The following LIN54 variants were observed in gnomAD, a reference collection of about 807,000 sequenced individuals.
LIN54 encodes lin-54 DREAM MuvB core complex component, also known as protein lin-54 homolog.
LIN54 carries 9 observed loss-of-function variants against 78.7 expected under a neutral mutation model. That is an observed-to-expected ratio of 0.11 (90% CI 0.07 to 0.20). The LOEUF (loss-of-function observed/expected upper bound fraction) is 0.20, where lower values mean the gene tolerates loss of function less well. Ranked by LOEUF, LIN54 falls within the 10% of genes least tolerant of loss-of-function variation. The pLI, the probability that LIN54 is intolerant of heterozygous loss-of-function variation, is 1.00. For missense variants in LIN54, 573 were observed against 889.9 expected (o/e 0.64, Z 4.53); for synonymous variants, 269 against 318.4 (o/e 0.84, Z 1.65).
rs781282651 is a variant in LIN54 at position 82,984,816 on chromosome 4, C to T, written c.29G>A (p.Ser10Asn). The change falls in exon 2 of 13, where the codon AGT becomes AAT. Residue 10 changes from serine to asparagine, a missense_variant. Physicochemically the swap from Ser to Asn is conservative, Grantham distance 46 (BLOSUM62 1). This residue lies in a region of LIN54 where 183 missense variants were observed against 228.4 expected (regional missense o/e 0.80). Transcript: ENST00000340417. ...GTCCATTATTTCCTCTGGAAGCAAA[C>T]TATTCACCTCAGCTGGCACCACCTC... MEVVPAEVN[S>N]LLPEEIMDTG... 32 of 1,612,442 alleles carry T rather than the reference C, an allele frequency of 2.0e-5. No individual in the cohort carries two copies. The highest frequency in any genetic ancestry group is 1.5e-4 in the Admixed American group (9 of 59,998).
chr4:82,937,508 A>T (rs1345151193), intron 8 of LIN54, among the ~76,000 whole-genome samples: 1 of 152,216 alleles, frequency 6.6e-6, no homozygotes, highest in Non-Finnish European at 1.5e-5. Flanking sequence ...ACGTTGTTCT[A>T]TTTACACTAG....
intron 4 of LIN54, among the ~76,000 whole-genome samples, chr4:82,948,169 C>CATAG (rs750842590): frequency 2.0e-5 from 3 of 152,062 alleles, no homozygotes; most frequent in Non-Finnish European, 2.9e-5. Context: ...GTGCAAAAGA[C>CATAG]ATAGATAGTC....
chr4:82,967,139 T>C (rs986899293), intron 4 of LIN54, among the ~76,000 whole-genome samples: 2 of 151,380 alleles, frequency 1.3e-5, no homozygotes, highest in Non-Finnish European at 2.9e-5. Flanking sequence ...GGCAGGAGAA[T>C]TGTTTGAACC....
At chr4:82,976,222 G>A (rs536576817) in intron 3 of LIN54, among the ~76,000 whole-genome samples, 1 of 152,068 alleles carries the variant, frequency 6.6e-6, no homozygotes, top group East Asian at 1.9e-4. Context: ...AATCCTGATG[G>A]GTCCAGGTGA....
At position 82,925,458 on chromosome 4, in the gene LIN54, A is replaced by G. The variant is rs887243366; in HGVS notation, c.*2644T>C. 9.8e-5 allele frequency: 15 copies of G among 152,482 alleles called. No homozygotes were observed. The highest frequency in any genetic ancestry group is 3.6e-4 in the African/African-American group (15 of 41,450). 9.4% of individuals were successfully genotyped at this position (152,482 alleles called of 1,614,324 possible). A position where few individuals can be genotyped will look rare whatever the true frequency, so the allele number is the denominator to read the frequency against. Reference sequence around the variant, plus strand: ...TGATTCACCCGCCTTGACCTCCCAAAGTGCTGGAATTACAGGCGTGAGCCA... The same window carrying G: ...TGATTCACCCGCCTTGACCTCCCAAGGTGCTGGAATTACAGGCGTGAGCCA... On this transcript the variant is annotated 3_prime_UTR_variant, in exon 13 of 13. Transcript: ENST00000340417.
intron 1 of LIN54, among the ~76,000 whole-genome samples, chr4:83,004,091 T>C (rs1267479839): frequency 6.6e-6 from 1 of 152,014 alleles, no homozygotes. Context: ...TGAGTCATCA[T>C]AGGATATAGA....
intron 1 of LIN54, chr4:83,003,478 C>G (rs1173345428): frequency 2.0e-5 from 3 of 152,130 alleles, no homozygotes; most frequent in Non-Finnish European, 2.9e-5. Context: ...GGCCCCTGCA[C>G]AAGGACGACA....
At chr4:82,973,070 A>G (rs1173907233) in intron 3 of LIN54, among the ~76,000 whole-genome samples, 1 of 152,110 alleles carries the variant, frequency 6.6e-6, no homozygotes, top group African/African-American at 2.4e-5. Flanking sequence ...TTCATTATAA[A>G]TTACAAAACT....
At chr4:82,928,395 C>A (rs1560710825) in intron 12 of LIN54, 92 bp from the exon 13 acceptor site, 1 of 961,682 alleles carries the variant, frequency 1.0e-6, no homozygotes, top group East Asian at 2.5e-5. Context: ...TCTACTGACA[C>A]TTTCACAATT....
At chr4:83,003,354 T>C (rs984073931) in intron 1 of LIN54, 4 of 151,966 alleles carry the variant, frequency 2.6e-5, no homozygotes, top group African/African-American at 9.7e-5. Flanking sequence ...CATCAACAAC[T>C]AAAAAACCAG....
intron 1 of LIN54, among the ~76,000 whole-genome samples, chr4:82,990,629 G>A (rs975765276): frequency 6.6e-5 from 10 of 151,902 alleles, no homozygotes; most frequent in African/African-American, 2.2e-4. Flanking sequence ...GACTACGGGC[G>A]CCCGCCACCA....
chr4:82,974,117 A>G (rs536708586), intron 3 of LIN54, among the ~76,000 whole-genome samples: 148 of 151,830 alleles, frequency 9.7e-4, no homozygotes, highest in African/African-American at 1.4e-3. Context: ...GGCTGAGGCA[A>G]GAGAATGGCG....
chr4:82,926,614 T>C lies in LIN54; in HGVS notation c.*1488A>G, dbSNP rs531971855. The C allele has an allele frequency of 5.3e-4, 80 of 152,326 alleles. No individual in the cohort carries two copies. The highest frequency in any genetic ancestry group is 9.2e-4 in the Admixed American group (14 of 15,300). The allele number at this position is 152,326 out of a possible 1,614,324, so 9.4% of individuals were successfully genotyped here. ...AACATGGTTTTTTCTTGTCATAAAA[T>C]CAAGAGTCCTGTCACAACAGGCTCT... On this transcript the variant is annotated 3_prime_UTR_variant, in exon 13 of 13. Transcript: ENST00000340417.
intron 4 of LIN54, among the ~76,000 whole-genome samples, chr4:82,955,389 C>CATAAT (rs1360449512): frequency 6.6e-6 from 1 of 151,448 alleles, no homozygotes; most frequent in East Asian, 1.9e-4. Flanking sequence ...CATAACATAA[C>CATAAT]ATAACATAAC....
rs148813193 is a variant in LIN54 at position 82,993,644 on chromosome 4, G to A, written c.-32-8768C>T. ...TTTCTTTGTTTGTTTTTGAGACAGT[G>A]CCTCACTCTGTCACCCAGGCTGGAG... On this transcript the variant is annotated intron_variant, in intron 1 of 12. Transcript: ENST00000340417. 3.9e-3 allele frequency among the ~76,000 whole-genome samples: 588 copies of A among 151,892 alleles called. 3 individuals are homozygous for A. The highest frequency in any genetic ancestry group is 0.013 in the African/African-American group (545 of 41,446).
chr4:82,969,781 G>A (rs1725494965), intron 4 of LIN54, among the ~76,000 whole-genome samples: 1 of 152,036 alleles, frequency 6.6e-6, no homozygotes, highest in Non-Finnish European at 1.5e-5. Context: ...GTATGTTTTA[G>A]GAAAGTGAGT....
At chr4:82,998,240 G>A (rs1188518377) in intron 1 of LIN54, among the ~76,000 whole-genome samples, 1 of 151,342 alleles carries the variant, frequency 6.6e-6, no homozygotes, top group Non-Finnish European at 1.5e-5. Flanking sequence ...TAATTTTTGA[G>A]ATATTTAAAA....
At chr4:82,936,483 G>A in intron 9 of LIN54, 102 bp from the exon 10 acceptor site, 1 of 584,012 alleles carries the variant, frequency 1.7e-6, no homozygotes, top group Non-Finnish European at 3.0e-6. Context: ...TACTACATAT[G>A]TGGTAAAGCA....
chr4:82,981,484 A>T (rs1578601856), intron 2 of LIN54, among the ~76,000 whole-genome samples: 1 of 152,032 alleles, frequency 6.6e-6, no homozygotes, highest in African/African-American at 2.4e-5. Context: ...ACCTAGGGGG[A>T]AAAAAACCAG....
Sources: gnomAD v4.1 joint callset for allele counts (sites outside exome capture counted in the v4.1 genomes callset) on GRCh38, gnomAD v4.1.1 for gene constraint, gnomAD v4.1.1 regional missense constraint, MANE v1.5 for transcripts, NCBI Gene and HGNC (gene_info 2026-07-23, HGNC 2026-07-21) for gene names.